Variants in AFF2 observed in about 807,000 individuals in gnomAD.
AFF2 encodes the protein ALF transcription elongation factor 2.
AFF2 carries 14 observed loss-of-function variants against 76.9 expected under a neutral mutation model. That is an observed-to-expected ratio of 0.18 (90% CI 0.12 to 0.28). The LOEUF (loss-of-function observed/expected upper bound fraction) is 0.28. Among genes scored for constraint, AFF2 ranks in the 10% least tolerant of loss-of-function variants. The pLI, the probability that AFF2 is intolerant of heterozygous loss-of-function variation, is 1.00. For missense variants in AFF2, 868 were observed against 1,001.1 expected, an observed-to-expected ratio of 0.87 and a Z score of 1.79; for synonymous variants, 398 against 366.7, an observed-to-expected ratio of 1.09 and a Z score of -0.98.
chrX:148,919,731 A>G (rs962713579), intron 9 of AFF2, among the ~76,000 whole-genome samples: 1 of 111,130 alleles, frequency 9.0e-6, no homozygotes, highest in Non-Finnish European at 1.9e-5. Context: ...ACATATAGAG[A>G]GAATGATTTT....
intron 1 of AFF2, among the ~76,000 whole-genome samples, chrX:148,555,639 G>C (rs1432314645): frequency 8.9e-6 from 1 of 111,824 alleles, no homozygotes; most frequent in Non-Finnish European, 1.9e-5. Flanking sequence ...TACTGATTAA[G>C]CTCACAGCAC....
At chrX:148,873,360 C>T (rs1460340635) in intron 7 of AFF2, among the ~76,000 whole-genome samples, 3 of 110,538 alleles carry the variant, frequency 2.7e-5, no homozygotes, top group Admixed American at 9.7e-5. Context: ...GAAACTGCTG[C>T]AACCCAGGCA....
intron 13 of AFF2, among the ~76,000 whole-genome samples, chrX:148,964,367 G>A: frequency 8.9e-6 from 1 of 112,353 alleles, no homozygotes; most frequent in African/African-American, 3.2e-5. Context: ...TTTCCTGGTG[G>A]AGGAGGCGTT....
At chrX:148,626,855 T>C (rs946405379) in intron 1 of AFF2, among the ~76,000 whole-genome samples, 1 of 111,501 alleles carries the variant, frequency 9.0e-6, no homozygotes, top group Non-Finnish European at 1.9e-5. Flanking sequence ...AAATACCCCA[T>C]TTTCAAATAA....
intron 3 of AFF2, among the ~76,000 whole-genome samples, chrX:148,761,990 TAG>T (rs1557267323): frequency 9.3e-6 from 1 of 107,745 alleles, no homozygotes; most frequent in African/African-American, 3.5e-5. Context: ...GATATAGATA[TAG>T]ATATAGATAT....
At chrX:148,909,592 G>C (rs2071447497) in intron 9 of AFF2, among the ~76,000 whole-genome samples, 2 of 112,045 alleles carry the variant, frequency 1.8e-5, no homozygotes, top group South Asian at 7.5e-4. Context: ...TATATGCCTA[G>C]TGAATGTAAG....
chrX:148,524,218 TA>T (rs2052634677), intron 1 of AFF2, among the ~76,000 whole-genome samples: 1 of 108,219 alleles, frequency 9.2e-6, no homozygotes, highest in African/African-American at 3.4e-5. Flanking sequence ...ATGAGAAGGG[TA>T]AAAGTAAATA....
chrX:148,651,157 T>C (rs1015190411), intron 1 of AFF2, among the ~76,000 whole-genome samples: 9 of 112,429 alleles, frequency 8.0e-5, no homozygotes, highest in Non-Finnish European at 1.3e-4. Flanking sequence ...AAGGAAGCAT[T>C]CCATTCCATA....
At chrX:148,831,699 G>A (rs2070456128) in intron 4 of AFF2, among the ~76,000 whole-genome samples, 2 of 112,171 alleles carry the variant, frequency 1.8e-5, no homozygotes, top group Non-Finnish European at 3.8e-5. Context: ...GGATTTGTTT[G>A]CTGTTCTCCT....
intron 20 of AFF2, 90 bp downstream of exon 20, chrX:148,987,647 T>C (rs2072488827): frequency 1.3e-6 from 1 of 799,257 alleles, no homozygotes; most frequent in African/African-American, 2.1e-5. Flanking sequence ...GGTGGCCTTA[T>C]ATCTTTCTGT....
At chrX:148,637,337 G>A (rs2054042021) in intron 1 of AFF2, among the ~76,000 whole-genome samples, 1 of 112,070 alleles carries the variant, frequency 8.9e-6, no homozygotes. Flanking sequence ...AGATGGATGG[G>A]GAGAAATGAA....
At chrX:148,836,643 C>T (rs1557273832) in intron 4 of AFF2, among the ~76,000 whole-genome samples, 1 of 111,050 alleles carries the variant, frequency 9.0e-6, no homozygotes, top group East Asian at 2.9e-4. Flanking sequence ...CCAACACATG[C>T]TGACTCCCTC....
intron 3 of AFF2, among the ~76,000 whole-genome samples, chrX:148,706,473 C>T (rs2054885578): frequency 8.9e-6 from 1 of 112,514 alleles, no homozygotes; most frequent in Non-Finnish European, 1.9e-5. Context: ...AGAAAGCTCA[C>T]ATGTCATACG....
At position 148,966,890 on chromosome X, in the gene AFF2, C is replaced by G. The variant is rs1184548662; in HGVS notation, c.3014C>G (p.Thr1005Ser). Residue 1005 changes from threonine to serine, a missense_variant, in exon 14 of 21, where the codon ACT becomes AGT. Thr to Ser is a moderately conservative substitution (Grantham distance 58, BLOSUM62 1). Transcript: ENST00000370460. ...ACTGCTACTGCCATTGTCACCACCA[C>G]TGTCACAGCTACTGCCACCGCCACG... Reference protein sequence around the residue: ...TVTATAIVTTTVTATATATAT... With the variant: ...TVTATAIVTTSVTATATATAT... 2 of 1,208,921 alleles carry G rather than the reference C, an allele frequency of 1.7e-6. No individual in the cohort carries two copies. The highest frequency in any genetic ancestry group is 2.2e-6 in the Non-Finnish European group (2 of 895,075).
chrX:148,998,167 T>C lies in AFF2; in HGVS notation c.*6835T>C. ...CTCCCCTTTTGCCCACTTGGTTAGA[T>C]GAGTGATATATTCTTTGGATCCTGC... On this transcript the variant is annotated 3_prime_UTR_variant, in exon 21 of 21. Transcript: ENST00000370460. The C allele has an allele frequency of 9.0e-6, 1 of 111,655 alleles. No homozygotes were observed. The highest frequency in any genetic ancestry group is 2.8e-4 in the East Asian group (1 of 3,531). The allele number at this position is 111,655 out of a possible 1,213,427, so 9.2% of individuals were successfully genotyped here.
intron 7 of AFF2, among the ~76,000 whole-genome samples, chrX:148,865,642 A>G (rs531515586): frequency 1.8e-5 from 2 of 112,063 alleles, no homozygotes; most frequent in South Asian, 7.5e-4. Context: ...CAAAACAAAG[A>G]CCATTTATCT....
chrX:148,542,155 G>A (rs908759229), intron 1 of AFF2, among the ~76,000 whole-genome samples: 1 of 109,552 alleles, frequency 9.1e-6, no homozygotes, highest in Admixed American at 1.0e-4. Flanking sequence ...AACAATGGCG[G>A]TGTGCTCTGT....
chrX:148,571,752 A>G (rs1250742690), intron 1 of AFF2, among the ~76,000 whole-genome samples: 3 of 111,484 alleles, frequency 2.7e-5, no homozygotes, highest in Non-Finnish European at 5.7e-5. Context: ...TCATTGTCCT[A>G]AGGACAGATG....
chrX:148,581,274 ATACAC>A (rs2053382348), intron 1 of AFF2, among the ~76,000 whole-genome samples: 1 of 329 alleles, frequency 3.0e-3, no homozygotes. Flanking sequence ...GTACACACAT[ATACAC>A]GTATATACGT....
Sources: gnomAD v4.1 joint callset for allele counts (sites outside exome capture counted in the v4.1 genomes callset) on GRCh38, gnomAD v4.1.1 for gene constraint, MANE v1.5 for transcripts, NCBI Gene and HGNC (gene_info 2026-07-23, HGNC 2026-07-21) for gene names.